NRG3: variants seen among roughly 807,000 people sequenced by gnomAD.
NRG3 encodes the protein neuregulin 3.
In NRG3, 31 loss-of-function variants were observed where a neutral mutation model predicts 66.9. That is an observed-to-expected ratio of 0.46 (90% CI 0.35 to 0.63). The LOEUF (loss-of-function observed/expected upper bound fraction) is 0.63. Among genes scored for constraint, NRG3 ranks in the 20% least tolerant of loss-of-function variants. The pLI is 0.00. For missense variants in NRG3, 910 were observed against 878.9 expected, an observed-to-expected ratio of 1.04 and a Z score of -0.45; for synonymous variants, 393 against 359.4, an observed-to-expected ratio of 1.09 and a Z score of -1.06.
intron 2 of NRG3, among the ~76,000 whole-genome samples, chr10:82,558,720 T>C (rs2044817654): frequency 6.6e-6 from 1 of 152,174 alleles, no homozygotes; most frequent in South Asian, 2.1e-4. Flanking sequence ...TAAATAAATA[T>C]AGAGATGCTC....
At chr10:82,761,960 CTTTCTTTCTTTCT>C (rs1446826564) in intron 3 of NRG3, among the ~76,000 whole-genome samples, 3 of 116,536 alleles carry the variant, frequency 2.6e-5, no homozygotes, top group South Asian at 5.4e-4. Flanking sequence ...TTCTTTCTTT[CTTTCTTTCTTTCT>C]TTTCTTTCTT....
At chr10:81,915,724 G>C (rs1463559764) in intron 1 of NRG3, among the ~76,000 whole-genome samples, 1 of 152,108 alleles carries the variant, frequency 6.6e-6, no homozygotes, top group Non-Finnish European at 1.5e-5. Flanking sequence ...CTCTCTGTGA[G>C]ATCCCTGAGA....
At chr10:82,509,924 T>C (rs537474256) in intron 2 of NRG3, among the ~76,000 whole-genome samples, 2 of 152,156 alleles carry the variant, frequency 1.3e-5, no homozygotes, top group South Asian at 2.1e-4. Context: ...CAGAAGAAAA[T>C]GGGCCCCATT....
chr10:82,930,060 T>C (rs533396574), intron 4 of NRG3, among the ~76,000 whole-genome samples: 28 of 152,168 alleles, frequency 1.8e-4, no homozygotes, highest in Non-Finnish European at 3.4e-4. Flanking sequence ...CCTGTGGCTT[T>C]AGATCGTTCA....
At chr10:81,945,659 T>A (rs1339210912) in intron 1 of NRG3, among the ~76,000 whole-genome samples, 2 of 152,108 alleles carry the variant, frequency 1.3e-5, no homozygotes, top group African/African-American at 2.4e-5. Flanking sequence ...TTGAATTGTG[T>A]CCTTTCAACC....
chr10:82,230,816 T>G (rs545219668), intron 1 of NRG3, among the ~76,000 whole-genome samples: 1 of 152,184 alleles, frequency 6.6e-6, no homozygotes, highest in East Asian at 1.9e-4. Context: ...AGAGGTGGTA[T>G]GCATATGGTG....
At chr10:82,260,561 T>A (rs115534239) in intron 1 of NRG3, among the ~76,000 whole-genome samples, 5,084 of 152,284 alleles carry the variant, frequency 0.033, 114 homozygotes, top group Middle Eastern at 0.085. Flanking sequence ...TTTTAAGCCA[T>A]GGCATTTGCA....
At chr10:82,666,288 C>CT in intron 2 of NRG3, among the ~76,000 whole-genome samples, 1 of 152,256 alleles carries the variant, frequency 6.6e-6, no homozygotes, top group East Asian at 1.9e-4. Context: ...GTCTTCAAAC[C>CT]TTTATTATAG....
At chr10:82,746,053 T>G (rs1246397174) in intron 3 of NRG3, among the ~76,000 whole-genome samples, 2 of 152,112 alleles carry the variant, frequency 1.3e-5, no homozygotes, top group Non-Finnish European at 2.9e-5. Flanking sequence ...CACACTCAAC[T>G]ACTTTTTAAA....
intron 1 of NRG3, among the ~76,000 whole-genome samples, chr10:81,997,744 A>T (rs2060996661): frequency 6.6e-6 from 1 of 151,916 alleles, no homozygotes; most frequent in Admixed American, 6.6e-5. Flanking sequence ...ATACTCTATG[A>T]TTTTTATTAA....
intron 4 of NRG3, among the ~76,000 whole-genome samples, chr10:82,892,559 A>T (rs2475794): frequency 0.38 from 57,798 of 151,686 alleles, 11,411 homozygotes; most frequent in Non-Finnish European, 0.44. Context: ...CTAGATACTC[A>T]GGAGGCTGAG....
chr10:82,440,227 A>C (rs771853494), intron 2 of NRG3, among the ~76,000 whole-genome samples: 1 of 151,726 alleles, frequency 6.6e-6, no homozygotes, highest in Admixed American at 6.6e-5. Flanking sequence ...TTCATTACCA[A>C]ATTTGCCCAT....
At chr10:81,891,727 G>C (rs1029695361) in intron 1 of NRG3, among the ~76,000 whole-genome samples, 1 of 152,188 alleles carries the variant, frequency 6.6e-6, no homozygotes, top group Non-Finnish European at 1.5e-5. Context: ...GGATGCCCCT[G>C]CCTAGTTTGG....
intron 2 of NRG3, among the ~76,000 whole-genome samples, chr10:82,640,536 A>G (rs2050498360): frequency 2.0e-5 from 3 of 152,206 alleles, no homozygotes; most frequent in Non-Finnish European, 4.4e-5. Flanking sequence ...GGGTGCATTT[A>G]TAAGCCCATC....
intron 1 of NRG3, among the ~76,000 whole-genome samples, chr10:82,276,988 G>T (rs1261163865): frequency 6.6e-6 from 1 of 151,918 alleles, no homozygotes; most frequent in African/African-American, 2.4e-5. Flanking sequence ...AAAAAATGTG[G>T]TTTTTAATAA....
intron 4 of NRG3, among the ~76,000 whole-genome samples, chr10:82,884,196 A>C (rs748191230): frequency 3.9e-5 from 6 of 152,136 alleles, no homozygotes; most frequent in Non-Finnish European, 5.9e-5. Flanking sequence ...ACATAACTGC[A>C]GTTGTTTTAT....
At chr10:81,987,535 AGT>A (rs2060573203) in intron 1 of NRG3, among the ~76,000 whole-genome samples, 1 of 152,230 alleles carries the variant, frequency 6.6e-6, no homozygotes, top group South Asian at 2.1e-4. Flanking sequence ...GACAGTCAAG[AGT>A]GTGTAAAAAT....
At chr10:82,776,331 T>G (rs1400149916) in intron 3 of NRG3, among the ~76,000 whole-genome samples, 2 of 152,196 alleles carry the variant, frequency 1.3e-5, no homozygotes, top group Admixed American at 6.6e-5. Flanking sequence ...ACTTGACATT[T>G]TCCTCTTGCT....
At chr10:82,124,518 C>A (rs1564585112) in intron 1 of NRG3, among the ~76,000 whole-genome samples, 1 of 151,738 alleles carries the variant, frequency 6.6e-6, no homozygotes, top group Non-Finnish European at 1.5e-5. Flanking sequence ...TGAGGCGGAA[C>A]TTTCTGTTCC....
Sources: allele counts gnomAD v4.1 joint callset (sites outside exome capture counted in the v4.1 genomes callset), GRCh38; gene constraint gnomAD v4.1.1; transcripts MANE v1.5; gene names NCBI Gene and HGNC (gene_info 2026-07-23, HGNC 2026-07-21).